HIBCH: variants seen among roughly 807,000 people sequenced by gnomAD.
HIBCH encodes the protein 3-hydroxyisobutyryl-CoA hydrolase, also known as 3-hydroxyisobutyryl-CoA hydrolase, mitochondrial.
A neutral mutation model predicts 58.2 loss-of-function variants in HIBCH; 50 were observed. The ratio of observed to expected loss-of-function variants is 0.86; its 90% CI spans 0.68 to 1.09. The LOEUF is 1.09. Among genes scored for constraint, HIBCH ranks in the 50% least tolerant of loss-of-function variants. The probability of loss-of-function intolerance (pLI) is 0.00; values close to 1 mark genes in which losing one functional copy is unlikely to be tolerated. For missense variants in HIBCH, 450 were observed against 449.7 expected (o/e 1.00, Z -0.01); for synonymous variants, 151 against 146.9 (o/e 1.03, Z -0.20).
chr2:190,295,358 T>A (rs550733684), intron 3 of HIBCH, among the ~76,000 whole-genome samples: 3 of 152,334 alleles, frequency 2.0e-5, no homozygotes, highest in African/African-American at 7.2e-5. Flanking sequence ...TCCTGGGGAT[T>A]GGGAATTCCT....
chr2:190,318,487 G>C (rs937035982), intron 1 of HIBCH, among the ~76,000 whole-genome samples: 2 of 152,030 alleles, frequency 1.3e-5, no homozygotes, highest in Admixed American at 6.6e-5. Context: ...GGACCATCTT[G>C]GCCTCTGCTT....
chr2:190,302,477 G>A (rs1435816080), intron 2 of HIBCH, among the ~76,000 whole-genome samples: 4 of 152,146 alleles, frequency 2.6e-5, no homozygotes, highest in African/African-American at 7.2e-5. Flanking sequence ...ACATAGACTG[G>A]CCAGAACCAC....
intron 1 of HIBCH, among the ~76,000 whole-genome samples, chr2:190,312,560 C>T (rs1467126899): frequency 6.6e-6 from 1 of 152,176 alleles, no homozygotes; most frequent in Non-Finnish European, 1.5e-5. Flanking sequence ...GGCAATATCA[C>T]CAGTTACCAC....
intron 4 of HIBCH, 40 bp downstream of exon 4, chr2:190,294,506 A>T (rs188339): frequency 1.1e-5 from 14 of 1,278,426 alleles, no homozygotes; most frequent in Admixed American, 8.4e-5. Context: ...CAGTTCTAGT[A>T]GGGGGAAAGA....
intron 9 of HIBCH, among the ~76,000 whole-genome samples, chr2:190,248,683 GA>G (rs1686679618): frequency 2.6e-5 from 4 of 151,948 alleles, no homozygotes; most frequent in African/African-American, 9.7e-5. Flanking sequence ...CCAACATGGT[GA>G]AACCCTGTCT....
At chr2:190,244,411 T>C (rs947150285) in intron 11 of HIBCH, among the ~76,000 whole-genome samples, 1 of 152,184 alleles carries the variant, frequency 6.6e-6, no homozygotes, top group African/African-American at 2.4e-5. Flanking sequence ...GACTCAGCTA[T>C]GGCAAGAGAT....
chr2:190,196,115 T>TAA (rs1474927829), intron 1 of HIBCH, among the ~76,000 whole-genome samples: 1 of 152,086 alleles, frequency 6.6e-6, no homozygotes, highest in African/African-American at 2.4e-5. Context: ...GGCTTTTTCA[T>TAA]ATGTTGGTTT....
intron 6 of HIBCH, among the ~76,000 whole-genome samples, chr2:190,266,755 T>C (rs988196453): frequency 6.6e-6 from 1 of 151,112 alleles, no homozygotes. Flanking sequence ...CGTTTTTATT[T>C]TTAATTAATT....
intron 1 of HIBCH, among the ~76,000 whole-genome samples, chr2:190,191,131 A>G (rs1689690226): frequency 1.3e-5 from 2 of 152,086 alleles, no homozygotes; most frequent in South Asian, 4.1e-4. Context: ...AGACATTTGC[A>G]TACAATTTTT....
chr2:190,272,605 A>T (rs1687428463), intron 6 of HIBCH, among the ~76,000 whole-genome samples: 1 of 152,122 alleles, frequency 6.6e-6, no homozygotes, highest in South Asian at 2.1e-4. Context: ...TACAAATGAA[A>T]GGAACCCAAA....
In HIBCH at chr2:190,245,029, G is replaced by A. The variant is rs570799904; in HGVS notation, c.810-61C>T. ...AAGTGATTTCCTGTTTCTAACATAC[G>A]ATGAATCTGAACATAGGCTTTCCCC... On this transcript the variant is annotated intron_variant, in intron 10 of 13. Transcript: ENST00000359678. The A allele has an allele frequency of 3.2e-4, 336 of 1,046,420 alleles. 1 individual carries two copies. The highest frequency in any genetic ancestry group is 6.2e-5 in the African/African-American group (4 of 64,066). 64.8% of individuals were successfully genotyped at this position (1,046,420 alleles called of 1,614,324 possible).
At chr2:190,285,033 A>G (rs1305001763) in intron 6 of HIBCH, among the ~76,000 whole-genome samples, 1 of 152,124 alleles carries the variant, frequency 6.6e-6, no homozygotes, top group Non-Finnish European at 1.5e-5. Flanking sequence ...CATCACTTAT[A>G]TATTTTTTTG....
intron 1 of HIBCH, among the ~76,000 whole-genome samples, chr2:190,318,471 T>C (rs1439867529): frequency 6.6e-6 from 1 of 152,170 alleles, no homozygotes; most frequent in East Asian, 1.9e-4. Flanking sequence ...TAGGGTATTG[T>C]GGACTGGACC....
chr2:190,191,504 G>A (rs930239212), intron 1 of HIBCH, among the ~76,000 whole-genome samples: 2 of 152,198 alleles, frequency 1.3e-5, no homozygotes. Flanking sequence ...ATTTCTAGGA[G>A]TGGGATTGCT....
intron 1 of HIBCH, among the ~76,000 whole-genome samples, chr2:190,316,110 G>A (rs1688705126): frequency 6.6e-6 from 1 of 152,076 alleles, no homozygotes; most frequent in Admixed American, 6.6e-5. Flanking sequence ...CTGTAACTGT[G>A]GTATTGGTCA....
intron 1 of HIBCH, among the ~76,000 whole-genome samples, chr2:190,318,851 A>G (rs1688773954): frequency 6.6e-6 from 1 of 152,236 alleles, no homozygotes; most frequent in Non-Finnish European, 1.5e-5. Flanking sequence ...TAAATGTATA[A>G]CAAAAATTTA....
chr2:190,263,908 T>C (rs1687161134), intron 6 of HIBCH, among the ~76,000 whole-genome samples: 1 of 151,818 alleles, frequency 6.6e-6, no homozygotes, highest in Admixed American at 6.6e-5. Context: ...CACAATGTAA[T>C]CTATGAACTA....
intron 6 of HIBCH, among the ~76,000 whole-genome samples, chr2:190,280,380 C>A (rs553055339): frequency 3.3e-5 from 5 of 152,102 alleles, no homozygotes. Context: ...AGAGCTCCCC[C>A]ACACCCAGAA....
rs147936734 is a variant in HIBCH at position 190,192,452 on chromosome 2, C to CTGTGTGTGTGTGTGTG, written c.*18-2471_*18-2456dup. Among the ~76,000 whole-genome samples the CTGTGTGTGTGTGTGTG allele has an allele frequency of 2.9e-3, 418 of 145,344 alleles. 4 individuals are homozygous for CTGTGTGTGTGTGTGTG. Among genetic ancestry groups the CTGTGTGTGTGTGTGTG allele is most frequent in the African/African-American group, 9.3e-3 (364 of 39,056 alleles). On this transcript the variant is annotated intron_variant, in intron 1 of 1. Coordinates refer to the HIBCH transcript ENST00000399855. Reference sequence around the variant, plus strand: ...TGTGTTTCCATGTATAATTCAGAATCTGTGTGTGTGTGTGTGTGTGTGTGT... The same window carrying CTGTGTGTGTGTGTGTG: ...TGTGTTTCCATGTATAATTCAGAATCTGTGTGTGTGTGTGTGTGTGTGTGTGTGTGTGTGTGTGTGT...
Sources: allele counts gnomAD v4.1 joint callset (sites outside exome capture counted in the v4.1 genomes callset), GRCh38; gene constraint gnomAD v4.1.1; transcripts MANE v1.5; gene names NCBI Gene and HGNC (gene_info 2026-07-23, HGNC 2026-07-21).